Variants in PXDN observed in about 807,000 individuals in gnomAD.
PXDN encodes the protein peroxidasin.
In PXDN, 77 loss-of-function variants were observed where a neutral mutation model predicts 140.3. The observed-to-expected ratio is 0.55, with a 90% CI of 0.46 to 0.66. The LOEUF is 0.66. Ranked by LOEUF, PXDN falls within the 30% of genes least tolerant of loss-of-function variation. PXDN has a pLI of 0.00. For synonymous variants in PXDN, 911 were observed against 857.4 expected (o/e 1.06, Z -1.09); for missense variants, 1,838 against 2,039.5 (o/e 0.90, Z 1.90).
intron 1 of PXDN, among the ~76,000 whole-genome samples, chr2:1,701,360 G>A (rs534046337): frequency 1.1e-4 from 17 of 152,296 alleles, no homozygotes; most frequent in African/African-American, 4.1e-4. Flanking sequence ...TAATGTACTC[G>A]CTTCTGTACT....
chr2:1,709,343 C>T (rs917179685), intron 1 of PXDN, among the ~76,000 whole-genome samples: 78 of 152,086 alleles, frequency 5.1e-4, no homozygotes, highest in African/African-American at 1.7e-3. Flanking sequence ...CCCCAGAGTG[C>T]GGGTGCTTGA....
At chr2:1,683,603 C>G in intron 6 of PXDN, 53 bp downstream of exon 6, 2 of 1,099,382 alleles carry the variant, frequency 1.8e-6, no homozygotes, top group Non-Finnish European at 1.2e-6. Flanking sequence ...GAATAGATAA[C>G]AGAGAGAAAG....
chr2:1,693,187 G>T, intron 1 of PXDN, 53 bp from the exon 2 acceptor site: 1 of 1,386,222 alleles, frequency 7.2e-7, no homozygotes, highest in Non-Finnish European at 9.9e-7. Flanking sequence ...TACAAACATC[G>T]CTACACATTT....
intron 1 of PXDN, among the ~76,000 whole-genome samples, chr2:1,701,071 C>T (rs1021589774): frequency 3.9e-5 from 6 of 152,200 alleles, no homozygotes; most frequent in Non-Finnish European, 7.3e-5. Context: ...CCTATCTCCC[C>T]GTCCCAGTCT....
intron 11 of PXDN, chr2:1,664,002 C>T (rs1683371507): frequency 5.6e-6 from 3 of 533,064 alleles, no homozygotes; most frequent in Non-Finnish European, 1.0e-5. Flanking sequence ...GAGGGAAAAG[C>T]ACTACACAGG....
At chr2:1,707,926 TTAAGGCA>T (rs1240279387) in intron 1 of PXDN, among the ~76,000 whole-genome samples, 1 of 151,966 alleles carries the variant, frequency 6.6e-6, no homozygotes, top group Admixed American at 6.5e-5. Context: ...AGAGGAACTC[TTAAGGCA>T]CTGGAAAGTT....
At chr2:1,700,476 A>G (rs897397005) in intron 1 of PXDN, among the ~76,000 whole-genome samples, 24 of 152,166 alleles carry the variant, frequency 1.6e-4, no homozygotes, top group Non-Finnish European at 1.3e-4. Flanking sequence ...AATGGCAGAA[A>G]TATCATTTTA....
rs530861708 is a variant in PXDN, at chr2:1,648,071, G to A, written c.3608+101C>T. ...CCTTCATCTCACCTCTGCACGACAC[G>A]AACAAAACTCACACACAGAGACAAA... On this transcript the variant is annotated intron_variant, in intron 17 of 22. Transcript: ENST00000252804. The surrounding 1 kb of genome is among the most constrained non-coding windows in gnomAD (Gnocchi z 8.9). The A allele has an allele frequency of 1.4e-5, 21 of 1,463,082 alleles. No homozygotes were observed. In the East Asian group the frequency reaches 3.4e-4, roughly 24 times the overall value. The allele number at this position is 1,463,082 out of a possible 1,614,324, so 90.6% of individuals were successfully genotyped here. A position where few individuals can be genotyped will look rare whatever the true frequency, so the allele number is the denominator to read the frequency against.
At chr2:1,662,383 G>A (rs781248228) in intron 12 of PXDN, among the ~76,000 whole-genome samples, 199 bp from the exon 13 acceptor site, 5 of 152,150 alleles carry the variant, frequency 3.3e-5, no homozygotes, top group East Asian at 1.9e-4. Flanking sequence ...GGGAAGATCC[G>A]CCCGCCTCCC....
chr2:1,704,608 A>T (rs1684542923), intron 1 of PXDN, among the ~76,000 whole-genome samples: 1 of 66,612 alleles, frequency 1.5e-5, no homozygotes, highest in African/African-American at 7.0e-5. Context: ...GAAGGGGGGC[A>T]GCTCCAGGTA....
intron 17 of PXDN, chr2:1,645,933 C>G (rs902725891): frequency 1.4e-4 from 22 of 152,268 alleles, no homozygotes; most frequent in South Asian, 2.1e-4. Context: ...GAGTCTAAAG[C>G]CTCCACCTGA....
intron 1 of PXDN, among the ~76,000 whole-genome samples, chr2:1,732,370 C>A (rs1572202293): frequency 6.6e-6 from 1 of 152,156 alleles, no homozygotes; most frequent in African/African-American, 2.4e-5. Flanking sequence ...AAACTGCCCA[C>A]AGCCAGAAAA....
At position 1,660,881 on chromosome 2, in the gene PXDN, C is replaced by T. The variant is rs1329561895; in HGVS notation, c.1837G>A (p.Val613Ile). 1.9e-6 allele frequency: 3 copies of T among 1,608,266 alleles called. No individual in the cohort carries two copies. Among genetic ancestry groups the T allele is most frequent in the Non-Finnish European group, 2.6e-6 (3 of 1,176,072 alleles). ...TAGATGTGGGCATGTGGCATCTTAC[C>T]ATTCACACTGAGCACCATGCTCACC... ...ASVSMVLSVNVPDVSRNGDPF... is the reference protein window; with the variant it reads ...ASVSMVLSVNIPDVSRNGDPF... Residue 613 changes from valine to isoleucine, a missense_variant and splice_region_variant, in exon 14 of 23, where the codon GTT (valine) becomes ATT (isoleucine). By Grantham distance (29) the Val-to-Ile change is conservative. Around this residue, in one of 5 missense-constraint regions of PXDN, gnomAD observed 537 missense variants for 583.9 expected, o/e 0.92. Transcript: ENST00000252804. The surrounding 1 kb of genome is among the most constrained non-coding windows in gnomAD (Gnocchi z 4.6).
intron 16 of PXDN, chr2:1,653,347 G>A: frequency 2.3e-6 from 1 of 443,370 alleles, no homozygotes; most frequent in Non-Finnish European, 4.3e-6. Context: ...AACCCACCCT[G>A]GCCAGGATGG....
At chr2:1,741,611 C>G (rs1458854297) in intron 1 of PXDN, among the ~76,000 whole-genome samples, 9 of 152,154 alleles carry the variant, frequency 5.9e-5, no homozygotes, top group Admixed American at 5.2e-4. Context: ...GGGGAAGGAG[C>G]AATAAGATGT....
chr2:1,735,203 A>G (rs987323005), intron 1 of PXDN, among the ~76,000 whole-genome samples: 2 of 152,172 alleles, frequency 1.3e-5, no homozygotes, highest in Non-Finnish European at 2.9e-5. Flanking sequence ...AACCCCTCAA[A>G]GCCATCCATG....
At chr2:1,638,653 A>G in intron 21 of PXDN, among the ~76,000 whole-genome samples, 193 bp downstream of exon 21, 1 of 152,190 alleles carries the variant, frequency 6.6e-6, no homozygotes, top group East Asian at 1.9e-4. Flanking sequence ...TGGGAAACCC[A>G]GGGACACCAG....
intron 16 of PXDN, chr2:1,653,115 G>A (rs1683051804): frequency 4.7e-6 from 1 of 213,656 alleles, no homozygotes; most frequent in Non-Finnish European, 9.6e-6. Context: ...CAACGGCAAA[G>A]TGCCAGAGCA....
intron 1 of PXDN, among the ~76,000 whole-genome samples, chr2:1,705,612 C>T (rs1309272754): frequency 1.4e-5 from 2 of 146,212 alleles, no homozygotes; most frequent in African/African-American, 2.6e-5. Context: ...TGCGGCTCCC[C>T]ACGACCTGGG....
Sources: gnomAD v4.1 joint callset for allele counts (sites outside exome capture counted in the v4.1 genomes callset) on GRCh38, gnomAD v4.1.1 for gene constraint, gnomAD v4.1.1 regional missense constraint, Gnocchi (gnomAD v3.1) non-coding constraint, MANE v1.5 for transcripts, NCBI Gene and HGNC (gene_info 2026-07-23, HGNC 2026-07-21) for gene names.